The following RBBP8 variants were observed in gnomAD, a reference collection of about 807,000 sequenced individuals.
The protein encoded by RBBP8 is DNA endonuclease RBBP8.
A neutral mutation model predicts 108.3 loss-of-function variants in RBBP8; 88 were observed. That is an observed-to-expected ratio of 0.81 (90% CI 0.68 to 0.97). The LOEUF (loss-of-function observed/expected upper bound fraction) is 0.97. RBBP8 is among the 50% of genes least tolerant of loss of function. The pLI is 0.00. For missense variants in RBBP8, 1,023 were observed against 1,049.0 expected (o/e 0.98, Z 0.34); for synonymous variants, 332 against 348.2 (o/e 0.95, Z 0.52).
intron 16 of RBBP8, among the ~76,000 whole-genome samples, chr18:23,006,754 G>A (rs1479841145): frequency 6.6e-6 from 1 of 151,918 alleles, no homozygotes. Flanking sequence ...CATCTGCCTC[G>A]GCCTCTCAAA....
chr18:22,964,749 C>G (rs984789107), intron 4 of RBBP8, among the ~76,000 whole-genome samples: 1 of 151,894 alleles, frequency 6.6e-6, no homozygotes, highest in Non-Finnish European at 1.5e-5. Context: ...TTTGCTTCAG[C>G]CCCCAAAAAT....
chr18:23,017,027 CCT>C, intron 17 of RBBP8, 103 bp downstream of exon 17: 2 of 931,312 alleles, frequency 2.1e-6, no homozygotes, highest in African/African-American at 1.6e-5. Flanking sequence ...GTTATAGAAA[CCT>C]CTTATTTGAG....
At chr18:23,021,202 G>A (rs2057724618) in intron 17 of RBBP8, among the ~76,000 whole-genome samples, 1 of 152,148 alleles carries the variant, frequency 6.6e-6, no homozygotes, top group South Asian at 2.1e-4. Context: ...TTGAGGTCAG[G>A]AATTCGAGAC....
chr18:22,989,496 G>A (rs1249775023), intron 9 of RBBP8, among the ~76,000 whole-genome samples, 178 bp downstream of exon 9: 1 of 152,204 alleles, frequency 6.6e-6, no homozygotes, highest in Non-Finnish European at 1.5e-5. Context: ...TCTCAGAAAT[G>A]TAGAATCTAG....
Position 22,949,666 on chromosome 18 carries a change from G to A in RBBP8, c.201G>A (p.Arg67=), listed in dbSNP as rs1268108007. The change falls in exon 4 of 19, where the codon AGG becomes AGA. Residue 67 remains arginine, a synonymous_variant. Transcript: ENST00000327155. ...EEFFTKNQQL[R]EQQKVLHETI... ...TCTTCACCAAAAATCAACAGCTGAG[G>A]GAACAGCAGAAAGTCCTTCATGAAA... The A allele has an allele frequency of 1.2e-6, 2 of 1,613,576 alleles. No homozygotes were observed. Among genetic ancestry groups the A allele is most frequent in the Admixed American group, 1.7e-5 (1 of 60,020 alleles).
chr18:22,949,006 A>T (rs1223860436), intron 3 of RBBP8, among the ~76,000 whole-genome samples: 1 of 152,180 alleles, frequency 6.6e-6, no homozygotes, highest in African/African-American at 2.4e-5. Flanking sequence ...AACACTTAAC[A>T]TAAAGCCTAC....
Position 22,993,197 on chromosome 18 carries a change from A to C in RBBP8, c.1370A>C (p.Glu457Ala), listed in dbSNP as rs1326405477. Residue 457 changes from glutamate to alanine, a missense_variant, in exon 11 of 19, where the codon GAA becomes GCA. Transcript: ENST00000327155. ...RKKTEEESEH[E>A]VSCPQASFDK... ...AAAACTGAGGAAGAAAGTGAACATG[A>C]AGTAAGCTGCCCCCAAGCTTCTTTT... 7.4e-6 allele frequency: 12 copies of C among 1,614,200 alleles called. No individual in the cohort carries two copies. Among genetic ancestry groups the C allele is most frequent in the Non-Finnish European group, 1.0e-5 (12 of 1,180,034 alleles).
chr18:22,931,232 G>A (rs1050802742), upstream of RBBP8, among the ~76,000 whole-genome samples: 1 of 152,200 alleles, frequency 6.6e-6, no homozygotes, highest in African/African-American at 2.4e-5. Flanking sequence ...AAGAGTGGGG[G>A]TAGGTTTGGT....
At chr18:22,926,093 A>G (rs1909782282) in intron 3 of RBBP8, among the ~76,000 whole-genome samples, 1 of 152,216 alleles carries the variant, frequency 6.6e-6, no homozygotes, top group African/African-American at 2.4e-5. Flanking sequence ...TTATAAATAG[A>G]TGACATGGAA....
At chr18:23,024,040 ATTTTTTTTTT>A (rs35157427) in intron 18 of RBBP8, among the ~76,000 whole-genome samples, 3 of 102,930 alleles carry the variant, frequency 2.9e-5, no homozygotes, top group Admixed American at 1.2e-4. Context: ...TACCCAGCCT[ATTTTTTTTTT>A]TTTTTTTTTT....
intron 18 of RBBP8, among the ~76,000 whole-genome samples, chr18:23,025,545 A>G (rs937875490): frequency 6.6e-5 from 10 of 152,362 alleles, no homozygotes; most frequent in Middle Eastern, 3.4e-3. Context: ...CCCCATGCGT[A>G]TGGCAGAGCA....
chr18:23,015,654 C>T (rs2046242922), intron 16 of RBBP8, among the ~76,000 whole-genome samples: 1 of 151,700 alleles, frequency 6.6e-6, no homozygotes, highest in Non-Finnish European at 1.5e-5. Context: ...GAAATAGGGG[C>T]CTATTTTCAT....
At chr18:23,013,345 A>G (rs181242384) in intron 16 of RBBP8, among the ~76,000 whole-genome samples, 35 of 152,280 alleles carry the variant, frequency 2.3e-4, no homozygotes, top group African/African-American at 8.2e-4. Flanking sequence ...GGATGAAATT[A>G]TAGGGGTCAA....
At chr18:22,917,927 G>A (rs745401317) in intron 3 of RBBP8, among the ~76,000 whole-genome samples, 8 of 151,216 alleles carry the variant, frequency 5.3e-5, no homozygotes, top group Non-Finnish European at 7.4e-5. Flanking sequence ...GAACCTGGGA[G>A]GCAGAGGTTG....
At chr18:22,917,611 A>G (rs1286290102) in intron 3 of RBBP8, among the ~76,000 whole-genome samples, 1 of 152,168 alleles carries the variant, frequency 6.6e-6, no homozygotes, top group Non-Finnish European at 1.5e-5. Flanking sequence ...GTATTTCAGT[A>G]TTTTCTTTCA....
At position 22,969,062 on chromosome 18, in the gene RBBP8, T is replaced by G. The variant is rs1015989436; in HGVS notation, c.361+144T>G. 4 of 656,170 alleles carry G rather than the reference T, an allele frequency of 6.1e-6. No homozygotes were observed. The Admixed American group carries it at 1.1e-4, about 19-fold the overall frequency. The allele number at this position is 656,170 out of a possible 1,614,324, so 40.6% of individuals were successfully genotyped here. On this transcript the variant is annotated intron_variant, in intron 5 of 18. Transcript: ENST00000327155. ...AGTTCAAATGTCCTTTTTTGTACTT[T>G]TTGTAGATTTAATCTCATGCTTAAT...
rs543095943 is a variant in RBBP8 at position 22,972,821 on chromosome 18, A to T, written c.362-2332A>T. On this transcript the variant is annotated intron_variant, in intron 5 of 18. Transcript: ENST00000327155. ...AGCCCTACAAGCTAGATATTTTTTTAAAAAATTACCTTTAAGTAAAATTAC... is the reference window on the plus strand; with the variant it reads ...AGCCCTACAAGCTAGATATTTTTTTTAAAAATTACCTTTAAGTAAAATTAC... 4.7e-3 allele frequency among the ~76,000 whole-genome samples: 718 copies of T among 152,218 alleles called. 4 individuals carry two copies. The highest frequency in any genetic ancestry group is 0.016 in the African/African-American group (671 of 41,538).
Position 22,993,308 on chromosome 18 carries a change from C to T in RBBP8, c.1481C>T (p.Ser494Phe), listed in dbSNP as rs1915831523. 2 of 1,614,218 alleles carry T rather than the reference C, an allele frequency of 1.2e-6. No individual in the cohort carries two copies. The highest frequency in any genetic ancestry group is 2.2e-5 in the East Asian group (1 of 44,888). Residue 494 changes from serine to phenylalanine, a missense_variant, in exon 11 of 19, where the codon TCT becomes TTT. Transcript: ENST00000327155. ...GTGATGGATAAACCTCTGGATCTGT[C>T]TGATCGATTTTCAGCTATTCAGCGT... ...DCVMDKPLDL[S>F]DRFSAIQRQE...
chr18:23,016,906 G>A lies in RBBP8; in HGVS notation c.2436G>A (p.Thr812=), dbSNP rs765273428. 39 of 1,612,972 alleles carry A rather than the reference G, an allele frequency of 2.4e-5. No homozygotes were observed. The highest frequency in any genetic ancestry group is 1.3e-4 in the South Asian group (12 of 91,070). ...AGAGAAGAAAACTGCTTGGGCACAC[G>A]TGTAAGGAATGTGAAATTGTAAGTA... is the stretch of plus-strand genomic sequence containing the variant. ...KEERRKLLGH[T]CKECEIYYAD... is the part of the protein sequence containing the mutation. The change falls in exon 17 of 19, where the codon ACG becomes ACA. Residue 812 remains threonine, a synonymous_variant. Coordinates refer to ENST00000327155, the MANE Select transcript of RBBP8 (RefSeq NM_002894.3).
Sources: allele counts gnomAD v4.1 joint callset (sites outside exome capture counted in the v4.1 genomes callset), GRCh38; gene constraint gnomAD v4.1.1; transcripts MANE v1.5; gene names NCBI Gene and HGNC (gene_info 2026-07-23, HGNC 2026-07-21).